The following CTNNA3 variants were observed in gnomAD, a reference collection of about 807,000 sequenced individuals.
The protein encoded by CTNNA3 is catenin alpha-3.
Under a neutral mutation model 95.7 loss-of-function variants are expected in CTNNA3, and 76 were observed. That is an observed-to-expected ratio of 0.79 (90% CI 0.66 to 0.96). CTNNA3 has a LOEUF of 0.96. Ranked by LOEUF, CTNNA3 falls within the 40% of genes least tolerant of loss-of-function variation. The probability of loss-of-function intolerance (pLI) is 0.00; values close to 1 mark genes in which losing one functional copy is unlikely to be tolerated. For missense variants in CTNNA3, 1,191 were observed against 1,089.8 expected (o/e 1.09, Z -1.31); for synonymous variants, 431 against 374.4 (o/e 1.15, Z -1.74).
chr10:67,188,613 TATC>T (rs1489268399), intron 6 of CTNNA3, among the ~76,000 whole-genome samples: 1 of 152,098 alleles, frequency 6.6e-6, no homozygotes, highest in Non-Finnish European at 1.5e-5. Context: ...AAAATAGAAC[TATC>T]ATATAATCAG....
rs1362035262 is a variant in CTNNA3 at position 67,563,215 on chromosome 10, C to T, written c.293-23546G>A. ...TAAGCCAAAAGAACAAAGCTGGAGGCATCACACTACCTGACTTCAAACTAT... is the reference window on the plus strand; with the variant it reads ...TAAGCCAAAAGAACAAAGCTGGAGGTATCACACTACCTGACTTCAAACTAT... On this transcript the variant is annotated intron_variant, in intron 3 of 17. Transcript: ENST00000433211. Among the ~76,000 whole-genome samples, 5 of 152,276 alleles carry T rather than the reference C, an allele frequency of 3.3e-5. No individual in the cohort carries two copies. The South Asian group carries it at 8.3e-4, about 25-fold the overall frequency.
At chr10:66,325,038 C>T (rs2092237682) in intron 12 of CTNNA3, among the ~76,000 whole-genome samples, 2 of 151,870 alleles carry the variant, frequency 1.3e-5, no homozygotes, top group South Asian at 2.1e-4. Flanking sequence ...TTGTGAGGCA[C>T]TGTCCCAGAG....
intron 3 of CTNNA3, among the ~76,000 whole-genome samples, chr10:67,567,271 T>A (rs56069726): frequency 0.15 from 21,285 of 146,244 alleles, 3,333 homozygotes; most frequent in African/African-American, 0.4. Context: ...AAAAAAAGAA[T>A]GAAATATGTC....
chr10:66,213,454 G>A (rs1365387034), intron 13 of CTNNA3, among the ~76,000 whole-genome samples: 1 of 152,036 alleles, frequency 6.6e-6, no homozygotes, highest in African/African-American at 2.4e-5. Context: ...TTTTTCCTAT[G>A]TCAGGGAAAA....
intron 7 of CTNNA3, among the ~76,000 whole-genome samples, chr10:67,173,222 T>C (rs150730049): frequency 6.6e-6 from 1 of 152,322 alleles, no homozygotes; most frequent in East Asian, 1.9e-4. Flanking sequence ...GGATTCCCTT[T>C]TCAGCTGGAA....
At chr10:66,865,136 A>G (rs1844115801) in intron 7 of CTNNA3, among the ~76,000 whole-genome samples, 1 of 151,964 alleles carries the variant, frequency 6.6e-6, no homozygotes, top group Non-Finnish European at 1.5e-5. Flanking sequence ...CAGATATTGA[A>G]GTAGATTGTT....
chr10:66,125,618 C>A (rs993655180), intron 13 of CTNNA3, among the ~76,000 whole-genome samples: 2 of 152,144 alleles, frequency 1.3e-5, no homozygotes, highest in Admixed American at 1.3e-4. Flanking sequence ...TCTGCAGCAT[C>A]ATTTAAAAGA....
chr10:67,160,438 T>C (rs1861487505), intron 7 of CTNNA3, among the ~76,000 whole-genome samples: 1 of 145,554 alleles, frequency 6.9e-6, no homozygotes, highest in Admixed American at 6.8e-5. Context: ...CACATCTTTT[T>C]TTTTTTTTTT....
intron 1 of CTNNA3, among the ~76,000 whole-genome samples, chr10:67,716,347 A>C (rs1212542766): frequency 6.6e-6 from 1 of 152,052 alleles, no homozygotes; most frequent in East Asian, 1.9e-4. Flanking sequence ...TAATACTTTA[A>C]GTTCTAGGAT....
chr10:66,311,339 A>C (rs1485404933), intron 12 of CTNNA3, among the ~76,000 whole-genome samples: 1 of 152,238 alleles, frequency 6.6e-6, no homozygotes, highest in Non-Finnish European at 1.5e-5. Flanking sequence ...TAAAAGTAGC[A>C]TAAAGAGAGT....
intron 13 of CTNNA3, among the ~76,000 whole-genome samples, chr10:66,149,812 T>G (rs1472387193): frequency 6.6e-6 from 1 of 152,022 alleles, no homozygotes. Flanking sequence ...TCTTTCACTT[T>G]AAAAACAATG....
chr10:65,927,303 T>G (rs1461196447), intron 17 of CTNNA3, among the ~76,000 whole-genome samples: 2 of 152,222 alleles, frequency 1.3e-5, no homozygotes, highest in Non-Finnish European at 2.9e-5. Context: ...TCTGAATGAT[T>G]TAAAACATTT....
intron 10 of CTNNA3, among the ~76,000 whole-genome samples, chr10:66,573,443 T>C (rs1589439044): frequency 6.6e-6 from 1 of 152,220 alleles, no homozygotes; most frequent in Non-Finnish European, 1.5e-5. Context: ...CATTTTCTGT[T>C]TAAAATTAAT....
chr10:67,621,684 G>A (rs1195089820), intron 2 of CTNNA3, among the ~76,000 whole-genome samples: 3 of 151,218 alleles, frequency 2.0e-5, no homozygotes, highest in African/African-American at 7.3e-5. Flanking sequence ...GGGAGGCAGA[G>A]ATTGCAGTGA....
At chr10:66,917,702 C>T (rs1160721821) in intron 7 of CTNNA3, among the ~76,000 whole-genome samples, 2 of 152,082 alleles carry the variant, frequency 1.3e-5, no homozygotes, top group African/African-American at 2.4e-5. Flanking sequence ...GCCAGGAAGT[C>T]GAATTTTAAA....
chr10:66,043,437 T>A (rs1419783676), intron 15 of CTNNA3, among the ~76,000 whole-genome samples: 1 of 152,144 alleles, frequency 6.6e-6, no homozygotes, highest in Non-Finnish European at 1.5e-5. Context: ...GTAGCTATAT[T>A]AAATGAGTTT....
intron 5 of CTNNA3, among the ~76,000 whole-genome samples, chr10:67,454,656 G>A (rs1179533947): frequency 6.6e-6 from 1 of 152,102 alleles, no homozygotes; most frequent in Non-Finnish European, 1.5e-5. Flanking sequence ...CTTATTAAAT[G>A]AGGAGTGAAT....
rs1019562524 is a variant in CTNNA3, at chr10:66,590,771, G to A, written c.1374+30921C>T. 1.2e-4 allele frequency among the ~76,000 whole-genome samples: 18 copies of A among 152,022 alleles called. 1 individual carries two copies. Among genetic ancestry groups the A allele is most frequent in the African/African-American group, 3.6e-4 (15 of 41,498 alleles). ...TAGTTCTAAAGAGGGAGAAAAAACA[G>A]TATTAGAAAAATTATAATTATAAAG... On this transcript the variant is annotated intron_variant, in intron 10 of 17. Coordinates refer to ENST00000433211, the MANE Select transcript of CTNNA3 (RefSeq NM_013266.4).
At chr10:66,033,960 C>A (rs777915815) in intron 15 of CTNNA3, among the ~76,000 whole-genome samples, 2 of 152,148 alleles carry the variant, frequency 1.3e-5, no homozygotes, top group Admixed American at 6.6e-5. Context: ...ACTTGTGAGG[C>A]CTTCAGTTAT....
Sources: allele counts gnomAD v4.1 joint callset (sites outside exome capture counted in the v4.1 genomes callset), GRCh38; gene constraint gnomAD v4.1.1; transcripts MANE v1.5; gene names NCBI Gene and HGNC (gene_info 2026-07-23, HGNC 2026-07-21).